Variants in IGLL1 observed in about 807,000 individuals in gnomAD.
IGLL1 encodes immunoglobulin lambda like polypeptide 1.
A neutral mutation model predicts 10.5 loss-of-function variants in IGLL1; 10 were observed. The observed-to-expected ratio is 0.95, with a 90% confidence interval of 0.59 to 1.62. The LOEUF (loss-of-function observed/expected upper bound fraction) is 1.62. IGLL1 is among the 40% of genes most tolerant of loss of function. The probability of loss-of-function intolerance (pLI) is 0.00; values close to 1 mark genes in which losing one functional copy is unlikely to be tolerated. For missense variants in IGLL1, 284 were observed against 278.7 expected, an observed-to-expected ratio of 1.02 and a Z score of -0.14; for synonymous variants, 141 against 122.7, an observed-to-expected ratio of 1.15 and a Z score of -0.99.
intron 2 of IGLL1, 45 bp downstream of exon 2, chr22:23,574,922 G>C (rs1331464509): frequency 2.0e-5 from 27 of 1,323,942 alleles, no homozygotes; most frequent in Non-Finnish European, 2.6e-5. Flanking sequence ...ACATTTTCCA[G>C]AGACAGGAGA....
chr22:23,576,454 G>A (rs566576546), intron 1 of IGLL1, among the ~76,000 whole-genome samples: 1 of 150,376 alleles, frequency 6.6e-6, no homozygotes, highest in Non-Finnish European at 1.5e-5. Flanking sequence ...TTTTGAAATG[G>A]AATTTCACCC....
chr22:23,573,341 G>C lies in IGLL1; in HGVS notation c.567C>G (p.Arg189=). 6.2e-7 allele frequency: 1 copy of C among 1,614,108 alleles called. No individual in the cohort carries two copies. ...GCATGACCTGGCAGCTGTAGCTTCT[G>C]CGGGACCTCCACTGCTCGGGCGTCA... is the stretch of plus-strand genomic sequence containing the variant. ...LSLTPEQWRS[R]RSYSCQVMHE... is the part of the protein sequence containing the mutation. Residue 189 remains arginine, a synonymous_variant, in exon 3 of 3, where the codon CGC becomes CGG. Coordinates refer to ENST00000330377, the MANE Select transcript of IGLL1 (RefSeq NM_020070.4).
At chr22:23,575,118 A>T in intron 1 of IGLL1, 36 bp from the exon 2 acceptor site, 1 of 1,467,546 alleles carries the variant, frequency 6.8e-7, no homozygotes, top group Non-Finnish European at 9.6e-7. Context: ...TGCAGTGTGT[A>T]GGCTGTGACC....
In IGLL1 at chr22:23,580,011, C is replaced by T. The variant is rs768593166; in HGVS notation, c.180G>A (p.Arg60=). 9 of 1,584,624 alleles carry T rather than the reference C, an allele frequency of 5.7e-6. No homozygotes were observed. Among genetic ancestry groups the T allele is most frequent in the African/African-American group, 1.3e-5 (1 of 74,528 alleles). Reference sequence around the variant, plus strand: ...TGCCCCACCGGCTCCTCAGGCTGGACCGGCTGCTTCCTCCAGGGGCTCCAG... The same window carrying T: ...TGCCCCACCGGCTCCTCAGGCTGGATCGGCTGCTTCCTCCAGGGGCTCCAG... ...LGPGAPGGSS[R]SSLRSRWGRF... The change falls in exon 1 of 3, where the codon CGG becomes CGA. Residue 60 remains arginine (R), a synonymous_variant. Transcript: ENST00000330377.
chr22:23,575,178 G>A, intron 1 of IGLL1, 96 bp from the exon 2 acceptor site: 1 of 853,316 alleles, frequency 1.2e-6, no homozygotes, highest in Non-Finnish European at 2.1e-6. Context: ...TCCCCCAGTA[G>A]TGTCTCTGTG....
chr22:23,573,922 C>CCA (rs1924921302), intron 2 of IGLL1, among the ~76,000 whole-genome samples: 1 of 148,062 alleles, frequency 6.8e-6, no homozygotes, highest in Non-Finnish European at 1.5e-5. Context: ...GGGTCTCCCT[C>CCA]ACAGCACACA....
At chr22:23,579,134 CG>C (rs1388637766) in intron 1 of IGLL1, among the ~76,000 whole-genome samples, 1 of 151,982 alleles carries the variant, frequency 6.6e-6, no homozygotes, top group East Asian at 1.9e-4. Context: ...CTCACCTCTC[CG>C]GGCTCTATCC....
At chr22:23,576,921 C>A (rs1259761926) in intron 1 of IGLL1, among the ~76,000 whole-genome samples, 2 of 152,148 alleles carry the variant, frequency 1.3e-5, no homozygotes, top group East Asian at 3.8e-4. Context: ...CCTCACCCTG[C>A]TAACCTCAAA....
At chr22:23,579,955 C>T (rs778380064) in intron 1 of IGLL1, 30 bp downstream of exon 1, 3 of 1,543,422 alleles carry the variant, frequency 1.9e-6, no homozygotes, top group Non-Finnish European at 2.6e-6. Flanking sequence ...ACCCAGACCC[C>T]CACATCCCCT....
rs1207370361 is a variant in IGLL1 at position 23,580,107 on chromosome 22, C to A, written c.84G>T (p.Leu28=). The change falls in exon 1 of 3, where the codon CTG becomes CTT. Residue 28 remains leucine, a synonymous_variant. Transcript: ENST00000330377. ...PNLRQRWPLL[L]LGLAVVTHGL... Reference sequence around the variant, plus strand: ...CATGGGTTACCACGGCCAGACCCAGCAGCAGCAGGGGCCAGCGCTGCCTGA... The same window carrying A: ...CATGGGTTACCACGGCCAGACCCAGAAGCAGCAGGGGCCAGCGCTGCCTGA... 1.3e-6 allele frequency: 2 copies of A among 1,569,950 alleles called. No individual in the cohort carries two copies. Among genetic ancestry groups the A allele is most frequent in the Non-Finnish European group, 1.7e-6 (2 of 1,160,230 alleles).
At position 23,580,017 on chromosome 22, in the gene IGLL1, GCTT is replaced by G. The variant is rs745869924; in HGVS notation, c.171_173del (p.Ser59del). 2.5e-6 allele frequency: 4 copies of G among 1,585,008 alleles called. No homozygotes were observed. The South Asian group carries it at 4.6e-5, about 18-fold the overall frequency. ...ACCGGCTCCTCAGGCTGGACCGGCT[GCTT>G]CCTCCAGGGGCTCCAGGGCCCAGGG... On this transcript the variant is annotated inframe_deletion, in exon 1 of 3. Transcript: ENST00000330377.
In IGLL1 at chr22:23,573,304, T is replaced by G; in HGVS notation, c.604A>C (p.Thr202Pro). The stretch of plus-strand genomic sequence containing the variant: ...GCAGGGGCCACCGTCTTCTCCACGG[T>G]GCTCCCTTCGTGCATGACCTGGCAG... ...YSCQVMHEGS[T>P]VEKTVAPAEC... Residue 202 changes from threonine (T) to proline (P), a missense_variant, in exon 3 of 3, where the codon ACC becomes CCC. By Grantham distance (38) the Thr-to-Pro change is conservative. Transcript: ENST00000330377. The G allele has an allele frequency of 6.2e-7, 1 of 1,614,108 alleles. No individual in the cohort carries two copies. The highest frequency in any genetic ancestry group is 8.5e-7 in the Non-Finnish European group (1 of 1,180,024).
chr22:23,577,961 T>G (rs1239192040), intron 1 of IGLL1, among the ~76,000 whole-genome samples: 9 of 151,170 alleles, frequency 6.0e-5, no homozygotes, highest in African/African-American at 2.4e-5. Flanking sequence ...CTCAGCTCAC[T>G]GCAACCTCCA....
Position 23,573,226 on chromosome 22 carries a change from G to A in IGLL1, c.*40C>T. On this transcript the variant is annotated 3_prime_UTR_variant, in exon 3 of 3. Transcript: ENST00000330377. Reference sequence around the variant, plus strand: ...AGAGAGACCCTTCCCCTGGGATCCTGCAGCTCCAGGCCCCTTTGGGTGGGG... The same window carrying A: ...AGAGAGACCCTTCCCCTGGGATCCTACAGCTCCAGGCCCCTTTGGGTGGGG... 2.5e-6 allele frequency: 4 copies of A among 1,597,160 alleles called. No individual in the cohort carries two copies. Among genetic ancestry groups the A allele is most frequent in the Non-Finnish European group, 3.4e-6 (4 of 1,165,132 alleles).
At chr22:23,578,345 A>C (rs918409475) in intron 1 of IGLL1, among the ~76,000 whole-genome samples, 3 of 152,066 alleles carry the variant, frequency 2.0e-5, no homozygotes, top group Non-Finnish European at 4.4e-5. Context: ...TTCTGTAGGC[A>C]TCACCCTGCA....
At chr22:23,574,370 C>T (rs112512035) in intron 2 of IGLL1, among the ~76,000 whole-genome samples, 1,686 of 152,290 alleles carry the variant, frequency 0.011, 36 homozygotes, top group African/African-American at 0.038. Context: ...AGGCACATCT[C>T]TGCACTAAGA....
intron 1 of IGLL1, among the ~76,000 whole-genome samples, chr22:23,579,756 G>A (rs1369640560): frequency 6.6e-6 from 1 of 152,054 alleles, no homozygotes; most frequent in Non-Finnish European, 1.5e-5. Flanking sequence ...ATGTAAGTGG[G>A]GGAAGAAATC....
chr22:23,573,346 A>T lies in IGLL1; in HGVS notation c.562T>A (p.Ser188Thr). ...ACCTGGCAGCTGTAGCTTCTGCGGG[A>T]CCTCCACTGCTCGGGCGTCAGGCTC... ...YLSLTPEQWR[S>T]RRSYSCQVMH... is the part of the protein sequence containing the mutation. The change falls in exon 3 of 3, where the codon TCC (serine) becomes ACC (threonine). Residue 188 changes from serine to threonine, a missense_variant. By Grantham distance (58) the Ser-to-Thr change is moderately conservative. Coordinates refer to ENST00000330377, the MANE Select transcript of IGLL1 (RefSeq NM_020070.4). 6.2e-7 allele frequency: 1 copy of T among 1,613,552 alleles called. No individual in the cohort carries two copies. The highest frequency in any genetic ancestry group is 8.5e-7 in the Non-Finnish European group (1 of 1,179,892).
At position 23,574,307 on chromosome 22, in the gene IGLL1, C is replaced by T. The variant is rs1377506554; in HGVS notation, c.322+660G>A. Among the ~76,000 whole-genome samples, 6 of 152,252 alleles carry T rather than the reference C, an allele frequency of 3.9e-5. No homozygotes were observed. In the East Asian group the frequency reaches 7.7e-4, roughly 20 times the overall value. On this transcript the variant is annotated intron_variant, in intron 2 of 2. Coordinates refer to ENST00000330377, the MANE Select transcript of IGLL1 (RefSeq NM_020070.4). ...CCTTCCTCAAATGAAGGTGGGAGGT[C>T]GACCCATGAACAGAGAGACACCAGG...
Sources: gnomAD v4.1 joint callset for allele counts (sites outside exome capture counted in the v4.1 genomes callset) on GRCh38, gnomAD v4.1.1 for gene constraint, MANE v1.5 for transcripts, NCBI Gene and HGNC (gene_info 2026-07-23, HGNC 2026-07-21) for gene names.